SMPD3: variants seen among roughly 807,000 people sequenced by gnomAD.
SMPD3 encodes the protein nSMase-2.
In SMPD3, 21 loss-of-function variants were observed where a neutral mutation model predicts 55.7. The ratio of observed to expected loss-of-function variants is 0.38; its 90% CI spans 0.27 to 0.54. The LOEUF is 0.54. SMPD3 is among the 20% of genes least tolerant of loss of function. The pLI is 0.80. For missense variants in SMPD3, 842 were observed against 899.6 expected (o/e 0.94, Z 0.82); for synonymous variants, 457 against 404.3 (o/e 1.13, Z -1.56).
At chr16:68,375,774 CTT>C (rs1461406543) in intron 2 of SMPD3, among the ~76,000 whole-genome samples, 1 of 152,200 alleles carries the variant, frequency 6.6e-6, no homozygotes, top group East Asian at 1.9e-4. Context: ...AGAGGACTGT[CTT>C]TGGTCCTTAT....
intron 1 of SMPD3, among the ~76,000 whole-genome samples, chr16:68,442,259 G>A (rs1049816757): frequency 2.0e-5 from 3 of 152,204 alleles, no homozygotes; most frequent in African/African-American, 7.2e-5. Context: ...GGCCAGAGCA[G>A]CCCTCAACTT....
chr16:68,363,967 G>A lies in SMPD3; in HGVS notation c.1556-101C>T, dbSNP rs2089398118. ...TCAGTTACTCCCCATGTGCTGCCAG[G>A]CCCCCATCCCTTAGGCCACTGCCCC... On this transcript the variant is annotated intron_variant, in intron 5 of 8. Coordinates refer to ENST00000219334, the MANE Select transcript of SMPD3 (RefSeq NM_018667.4). 22 of 1,118,108 alleles carry A rather than the reference G, an allele frequency of 2.0e-5. No individual in the cohort carries two copies. In the South Asian group the frequency reaches 3.0e-4, roughly 15 times the overall value. 69.3% of individuals were successfully genotyped at this position (1,118,108 alleles called of 1,614,324 possible).
intron 3 of SMPD3, among the ~76,000 whole-genome samples, chr16:68,366,366 C>G (rs1366149474): frequency 6.6e-6 from 1 of 152,232 alleles, no homozygotes; most frequent in South Asian, 2.1e-4. Context: ...CCTTCCCAGC[C>G]CTAATGCACA....
intron 7 of SMPD3, among the ~76,000 whole-genome samples, chr16:68,362,703 A>G (rs1210137756): frequency 2.0e-5 from 3 of 152,250 alleles, no homozygotes; most frequent in South Asian, 2.1e-4. Context: ...GCCTTAAGAT[A>G]AATACACTAA....
chr16:68,411,154 G>C (rs992634731), intron 1 of SMPD3, among the ~76,000 whole-genome samples: 1 of 152,234 alleles, frequency 6.6e-6, no homozygotes, highest in African/African-American at 2.4e-5. Flanking sequence ...AAGCAGGCCG[G>C]GGTCAGGAGA....
intron 1 of SMPD3, among the ~76,000 whole-genome samples, chr16:68,398,784 C>T (rs1258445661): frequency 2.6e-5 from 4 of 152,296 alleles, no homozygotes; most frequent in South Asian, 4.1e-4. Flanking sequence ...ATGAGAAAAA[C>T]GTGGACCTAT....
chr16:68,416,876 G>C (rs937272132), intron 1 of SMPD3, among the ~76,000 whole-genome samples: 3 of 152,122 alleles, frequency 2.0e-5, no homozygotes, highest in Admixed American at 1.3e-4. Flanking sequence ...GGAGGCCCGT[G>C]TCGCTGGAAG....
intron 1 of SMPD3, among the ~76,000 whole-genome samples, chr16:68,433,735 T>G (rs2090498338): frequency 6.6e-6 from 1 of 152,234 alleles, no homozygotes; most frequent in African/African-American, 2.4e-5. Flanking sequence ...CCAGGCTGTG[T>G]GGGGTCTGCT....
chr16:68,383,766 T>C (rs1110569), intron 2 of SMPD3, among the ~76,000 whole-genome samples: 1,678 of 152,232 alleles, frequency 0.011, 34 homozygotes, highest in African/African-American at 0.039. Flanking sequence ...TACATCTTCC[T>C]CTAGAAGTTT....
chr16:68,409,633 C>A (rs571717230), intron 1 of SMPD3, among the ~76,000 whole-genome samples: 1 of 152,092 alleles, frequency 6.6e-6, no homozygotes, highest in Non-Finnish European at 1.5e-5. Flanking sequence ...TCACTCTGTT[C>A]CCCAGGCTGG....
chr16:68,361,469 T>G, intron 8 of SMPD3, 134 bp downstream of exon 8: 3 of 1,407,058 alleles, frequency 2.1e-6, no homozygotes, highest in Non-Finnish European at 2.9e-6. Flanking sequence ...GCCCTAAGGG[T>G]CTGAGGGAGT....
intron 1 of SMPD3, among the ~76,000 whole-genome samples, chr16:68,415,544 T>A (rs577460418): frequency 5.3e-5 from 8 of 152,378 alleles, no homozygotes; most frequent in Non-Finnish European, 7.3e-5. Context: ...AACGTTAACC[T>A]ACGGCTTAAA....
rs765103825 is a variant in SMPD3, at chr16:68,363,576, G to T, written c.1646-17C>A. ...GCAGAGTACCTGGGGGGGACGAGGG[G>T]GTGACAGTGGTCGCTGCAGGCAGGG... is the stretch of plus-strand genomic sequence containing the variant. On this transcript the variant is annotated splice_polypyrimidine_tract_variant and intron_variant, in intron 6 of 8. Transcript: ENST00000219334. The T allele has an allele frequency of 4.3e-6, 7 of 1,610,632 alleles. No homozygotes were observed. In the Admixed American group the frequency reaches 1.0e-4, roughly 23 times the overall value.
chr16:68,372,421 T>A (rs1412350391), intron 2 of SMPD3, 34 bp from the exon 3 acceptor site: 1 of 573,120 alleles, frequency 1.7e-6, no homozygotes, highest in African/African-American at 1.9e-5. Context: ...CTGTTTTTAG[T>A]GATCTTCAGG....
rs938501982 is a variant in SMPD3, at chr16:68,359,479, G to C, written c.*1727C>G. On this transcript the variant is annotated 3_prime_UTR_variant, in exon 9 of 9. Coordinates refer to ENST00000219334, the MANE Select transcript of SMPD3 (RefSeq NM_018667.4). Reference sequence around the variant, plus strand: ...GTGTCACAAGGACGCACGTCCTAGCGCCAGGCTCCCTGGGCTCTGCAGCGT... The same window carrying C: ...GTGTCACAAGGACGCACGTCCTAGCCCCAGGCTCCCTGGGCTCTGCAGCGT... 6.5e-6 allele frequency: 1 copy of C among 152,708 alleles called. No individual in the cohort carries two copies. Among genetic ancestry groups the C allele is most frequent in the African/African-American group, 2.4e-5 (1 of 41,458 alleles). 9.5% of individuals were successfully genotyped at this position (152,708 alleles called of 1,614,324 possible).
chr16:68,372,602 G>A (rs2089701221), intron 2 of SMPD3, among the ~76,000 whole-genome samples: 1 of 152,244 alleles, frequency 6.6e-6, no homozygotes. Context: ...GGAGCGAATA[G>A]CTTGGTGATA....
intron 1 of SMPD3, among the ~76,000 whole-genome samples, chr16:68,405,650 C>T (rs1288025617): frequency 1.3e-5 from 2 of 151,788 alleles, no homozygotes; most frequent in Non-Finnish European, 2.9e-5. Flanking sequence ...TCACTATACT[C>T]AGATGAAAAT....
At chr16:68,386,709 C>T (rs187241329) in intron 1 of SMPD3, 50 bp from the exon 2 acceptor site, 26 of 152,466 alleles carry the variant, frequency 1.7e-4, no homozygotes, top group African/African-American at 5.3e-4. Flanking sequence ...ATCTCCAGAG[C>T]TCACCTGACA....
intron 2 of SMPD3, among the ~76,000 whole-genome samples, chr16:68,385,551 T>C (rs1237825632): frequency 6.6e-6 from 1 of 152,154 alleles, no homozygotes; most frequent in East Asian, 1.9e-4. Flanking sequence ...TTCCCCTTTT[T>C]TTCTTCCATC....
Sources: allele counts gnomAD v4.1 joint callset (sites outside exome capture counted in the v4.1 genomes callset), GRCh38; gene constraint gnomAD v4.1.1; transcripts MANE v1.5; gene names NCBI Gene and HGNC (gene_info 2026-07-23, HGNC 2026-07-21).